AFG2A: variants seen among roughly 807,000 people sequenced by gnomAD.
The protein encoded by AFG2A is ATPase family gene 2 protein homolog A.
the AFG2A span, among the ~76,000 whole-genome samples, chr4:123,215,070 A>T: frequency 6.6e-6 from 1 of 152,106 alleles, no homozygotes; most frequent in Non-Finnish European, 1.5e-5. Context: ...ATTTTTTAAG[A>T]TATATTTTGA....
chr4:122,934,287 C>G, the AFG2A span: 1 of 1,614,172 alleles, frequency 6.2e-7, no homozygotes, highest in Non-Finnish European at 8.5e-7. Context: ...TGGAGTTATC[C>G]TTACAGCTAA....
the AFG2A span, among the ~76,000 whole-genome samples, chr4:122,985,218 C>T: frequency 6.6e-6 from 1 of 151,204 alleles, no homozygotes; most frequent in Non-Finnish European, 1.5e-5. Context: ...CTCTGCCTCT[C>T]AGATTCAAGC....
the AFG2A span, among the ~76,000 whole-genome samples, chr4:123,191,994 C>A: frequency 6.6e-6 from 1 of 151,786 alleles, no homozygotes. Context: ...CTAAAGAAAT[C>A]CTTCAGTACA....
chr4:123,299,824 C>A, the AFG2A span, among the ~76,000 whole-genome samples: 109,796 of 152,122 alleles, frequency 0.72, 40,846 homozygotes, highest in Non-Finnish European at 0.81. Flanking sequence ...TTTAAAAATT[C>A]ACCATTAATT....
chr4:123,259,249 C>A, the AFG2A span, among the ~76,000 whole-genome samples: 1 of 152,164 alleles, frequency 6.6e-6, no homozygotes, highest in Non-Finnish European at 1.5e-5. Context: ...TTTGCCCAAT[C>A]AGCATTGTTC....
At chr4:123,028,203 A>T in the AFG2A span, 1 of 1,614,090 alleles carries the variant, frequency 6.2e-7, no homozygotes, top group Non-Finnish European at 8.5e-7. Context: ...GGTCAGATAT[A>T]GGAGGACTGG....
the AFG2A span, among the ~76,000 whole-genome samples, chr4:123,146,626 A>C: frequency 9.2e-5 from 14 of 152,306 alleles, no homozygotes; most frequent in Non-Finnish European, 1.9e-4. Context: ...GATACTGATA[A>C]ATTGAGAAAA....
At chr4:123,167,206 A>C in the AFG2A span, among the ~76,000 whole-genome samples, 1 of 148,442 alleles carries the variant, frequency 6.7e-6, no homozygotes, top group Non-Finnish European at 1.5e-5. Context: ...TATATTATAT[A>C]TATTTGATAT....
At chr4:123,191,396 TG>T in the AFG2A span, among the ~76,000 whole-genome samples, 1 of 151,140 alleles carries the variant, frequency 6.6e-6, no homozygotes, top group Non-Finnish European at 1.5e-5. Context: ...AGACGCACAG[TG>T]GTTCCATAGT....
At chr4:123,163,789 T>G in the AFG2A span, among the ~76,000 whole-genome samples, 1 of 152,146 alleles carries the variant, frequency 6.6e-6, no homozygotes, top group Non-Finnish European at 1.5e-5. Context: ...TTTTAGTAAA[T>G]GAAGAGAGGA....
At chr4:122,924,751 C>G in the AFG2A span, among the ~76,000 whole-genome samples, 1 of 151,854 alleles carries the variant, frequency 6.6e-6, no homozygotes, top group East Asian at 1.9e-4. Flanking sequence ...ATGTGGTTGC[C>G]TTTTAGCCAA....
the AFG2A span, among the ~76,000 whole-genome samples, chr4:123,073,832 A>G: frequency 6.6e-6 from 1 of 152,246 alleles, no homozygotes; most frequent in Non-Finnish European, 1.5e-5. Flanking sequence ...AAGTAGTACC[A>G]TAACATTTAC....
At chr4:123,227,011 A>G in the AFG2A span, among the ~76,000 whole-genome samples, 14 of 151,920 alleles carry the variant, frequency 9.2e-5, no homozygotes, top group African/African-American at 3.4e-4. Flanking sequence ...GGTGTTTATA[A>G]TATTCTCTGA....
the AFG2A span, among the ~76,000 whole-genome samples, chr4:123,077,086 T>G: frequency 6.7e-6 from 1 of 148,426 alleles, no homozygotes; most frequent in Non-Finnish European, 1.5e-5. Flanking sequence ...CTCACTTTGT[T>G]GCCCAGGCTG....
the AFG2A span, among the ~76,000 whole-genome samples, chr4:123,217,993 G>C: frequency 1.3e-5 from 2 of 152,176 alleles, no homozygotes; most frequent in African/African-American, 4.8e-5. Flanking sequence ...TTTGAAGTCT[G>C]TGTGTCAGGG....
At chr4:122,999,765 G>A in the AFG2A span, among the ~76,000 whole-genome samples, 1 of 152,082 alleles carries the variant, frequency 6.6e-6, no homozygotes, top group South Asian at 2.1e-4. Context: ...TTGTTCTTTT[G>A]GCTTAGGATT....
the AFG2A span, among the ~76,000 whole-genome samples, chr4:122,991,609 A>C: frequency 3.9e-5 from 6 of 152,342 alleles, no homozygotes; most frequent in African/African-American, 1.4e-4. Context: ...ATACTTGTTA[A>C]CTTTTTATAT....
At chr4:123,008,210 T>C in the AFG2A span, among the ~76,000 whole-genome samples, 1 of 152,142 alleles carries the variant, frequency 6.6e-6, no homozygotes, top group Non-Finnish European at 1.5e-5. Flanking sequence ...GGAGCTTACA[T>C]GTAGAGATCA....
the AFG2A span, chr4:123,318,209 G>C: frequency 6.6e-6 from 1 of 152,208 alleles, no homozygotes; most frequent in Non-Finnish European, 1.5e-5. Context: ...GCAAATAAGA[G>C]ATCAGGCTTT....
Sources: allele counts gnomAD v4.1 joint callset (sites outside exome capture counted in the v4.1 genomes callset), GRCh38; gene constraint gnomAD v4.1.1; transcripts MANE v1.5; gene names NCBI Gene and HGNC (gene_info 2026-07-23, HGNC 2026-07-21).